The following NFYA variants were observed in gnomAD, a reference collection of about 807,000 sequenced individuals.
NFYA encodes CAAT-box DNA binding protein subunit A.
In NFYA, 28 loss-of-function variants were observed where a neutral mutation model predicts 52.8. The observed-to-expected ratio is 0.53, with a 90% CI of 0.39 to 0.73. NFYA has a LOEUF of 0.73. Among genes scored for constraint, NFYA ranks in the 30% least tolerant of loss-of-function variants. The pLI is 0.00. For synonymous variants in NFYA, 150 were observed against 150.7 expected, an observed-to-expected ratio of 1.00 and a Z score of 0.03; for missense variants, 234 against 427.0, an observed-to-expected ratio of 0.55 and a Z score of 3.98.
At chr6:41,073,238 C>T (rs968475786) in intron 1 of NFYA, among the ~76,000 whole-genome samples, 154 bp downstream of exon 1, 8 of 151,624 alleles carry the variant, frequency 5.3e-5, no homozygotes, top group Non-Finnish European at 8.8e-5. Context: ...GGCCCCGGCC[C>T]GGGGCCTGCG....
At position 41,094,489 on chromosome 6, in the gene NFYA, C is replaced by T. The variant is rs1268778598; in HGVS notation, c.982C>T (p.His328Tyr). 6.2e-7 allele frequency: 1 copy of T among 1,612,930 alleles called. No homozygotes were observed. The change falls in exon 9 of 10, where the codon CAT becomes TAT. Residue 328 changes from histidine (H) to tyrosine (Y), a missense_variant. Around this residue, in one of 3 missense-constraint regions of NFYA, gnomAD observed 35 missense variants for 34.2 expected, o/e 1.02. Coordinates refer to ENST00000341376, the MANE Select transcript of NFYA (RefSeq NM_002505.5). ...CTCTCCAAAGGAAAAGGATAGTCCC[C>T]ATATGCAGGTAGGAAGACATATACA... is the stretch of plus-strand genomic sequence containing the variant. ...FFSPKEKDSP[H>Y]MQDPNQADEE...
rs538468324 is a variant in NFYA at position 41,081,039 on chromosome 6, A to G, written c.162+142A>G. On this transcript the variant is annotated intron_variant, in intron 3 of 9. Coordinates refer to ENST00000341376, the MANE Select transcript of NFYA (RefSeq NM_002505.5). The stretch of plus-strand genomic sequence containing the variant: ...TGCTGCTAACTTGTCTTTGAGGCTT[A>G]TAAGATGCCAGTTTCCTAATATTTC... The G allele has an allele frequency of 5.1e-6, 3 of 593,456 alleles. No homozygotes were observed. The South Asian group carries it at 6.6e-5, about 13-fold the overall frequency. The allele number at this position is 593,456 out of a possible 1,614,324, so 36.8% of individuals were successfully genotyped here.
In NFYA at chr6:41,078,963, GTTAA is replaced by G. The variant is rs1402050952; in HGVS notation, c.-61-63_-61-60del. On this transcript the variant is annotated intron_variant, in intron 1 of 9. Transcript: ENST00000341376. Reference sequence around the variant, plus strand: ...TAAAGTACAGTGATAAATTATCCAGGTTAATTGTCTGGTAAGGCCTTTATTGACA... The same window carrying G: ...TAAAGTACAGTGATAAATTATCCAGGTTGTCTGGTAAGGCCTTTATTGACA... 3 of 688,226 alleles carry G rather than the reference GTTAA, an allele frequency of 4.4e-6. No individual in the cohort carries two copies. The Admixed American group carries it at 7.5e-5, about 17-fold the overall frequency. The allele number at this position is 688,226 out of a possible 1,614,324, so 42.6% of individuals were successfully genotyped here.
chr6:41,101,726 C>G lies in NFYA; in HGVS notation c.*4316C>G, dbSNP rs1279549989. Among the ~76,000 whole-genome samples, 1 of 152,028 alleles carries G rather than the reference C, an allele frequency of 6.6e-6. No individual in the cohort carries two copies. Among genetic ancestry groups the G allele is most frequent in the Non-Finnish European group, 1.5e-5 (1 of 67,988 alleles). On this transcript the variant is annotated 3_prime_UTR_variant, in exon 10 of 10. Transcript: ENST00000341376. Reference sequence around the variant, plus strand: ...ACATGAGGAGGGATCCTATTGTTTCCCATAGCTAGGCAGCCTAAGAGAGTA... The same window carrying G: ...ACATGAGGAGGGATCCTATTGTTTCGCATAGCTAGGCAGCCTAAGAGAGTA...
intron 1 of NFYA, among the ~76,000 whole-genome samples, chr6:41,076,737 AT>A (rs2114084486): frequency 6.6e-6 from 1 of 152,340 alleles, no homozygotes; most frequent in African/African-American, 2.4e-5. Context: ...GACAGACTAA[AT>A]CTGGCTTAGT....
In NFYA at chr6:41,091,538, T is replaced by C. The variant is rs556223902; in HGVS notation, c.558T>C (p.Pro186=). 1 of 1,613,606 alleles carries C rather than the reference T, an allele frequency of 6.2e-7. No individual in the cohort carries two copies. Among genetic ancestry groups the C allele is most frequent in the African/African-American group, 1.3e-5 (1 of 75,006 alleles). Residue 186 remains proline, a synonymous_variant, in exon 7 of 10, where the codon CCT becomes CCC. Coordinates refer to ENST00000341376, the MANE Select transcript of NFYA (RefSeq NM_002505.5). ...DGTILQQVTV[P]VSGMITIPAA... ...TTTGTTTTCTTAAAGTTACAGTCCC[T>C]GTTTCAGGCATGATCACTATCCCAG... is the stretch of plus-strand genomic sequence containing the variant.
chr6:41,073,880 A>G (rs948269290), intron 1 of NFYA, among the ~76,000 whole-genome samples: 2 of 151,992 alleles, frequency 1.3e-5, no homozygotes, highest in African/African-American at 2.4e-5. Flanking sequence ...CCCCGTTCGC[A>G]GTGGCAGGAC....
chr6:41,088,423 C>CCAA (rs745387990), intron 4 of NFYA, among the ~76,000 whole-genome samples: 1 of 64,712 alleles, frequency 1.5e-5, no homozygotes, highest in Admixed American at 1.8e-4. Flanking sequence ...ACTCCGTCTC[C>CCAA]AAAAAAAAAA....
chr6:41,095,958 C>T (rs1266910016), intron 9 of NFYA, among the ~76,000 whole-genome samples: 1 of 152,128 alleles, frequency 6.6e-6, no homozygotes, highest in Non-Finnish European at 1.5e-5. Context: ...TTAATAGATT[C>T]CTCCCATTTG....
In NFYA at chr6:41,080,889, C is replaced by T. The variant is rs1763886953; in HGVS notation, c.154C>T (p.Leu52Phe). The T allele has an allele frequency of 1.2e-5, 20 of 1,613,552 alleles. No individual in the cohort carries two copies. Among genetic ancestry groups the T allele is most frequent in the South Asian group, 2.2e-5 (2 of 91,070 alleles). Residue 52 changes from leucine (L) to phenylalanine (F), a missense_variant, in exon 3 of 10, where the codon CTC becomes TTC. Transcript: ENST00000341376. ...ASASGQQVQT[L>F]QVVQGQPLMV... ...CGCCTCAGGCCAGCAAGTCCAGACC[C>T]TCCAGGTAGTGGTACCCTCTCTGAT... is the stretch of plus-strand genomic sequence containing the variant.
At chr6:41,079,331 A>G (rs1763843232) in intron 2 of NFYA, among the ~76,000 whole-genome samples, 167 bp downstream of exon 2, 1 of 152,230 alleles carries the variant, frequency 6.6e-6, no homozygotes, top group East Asian at 1.9e-4. Flanking sequence ...ATGACCACTT[A>G]GAATCTACTC....
At chr6:41,074,002 G>T (rs960752853) in intron 1 of NFYA, among the ~76,000 whole-genome samples, 2 of 151,522 alleles carry the variant, frequency 1.3e-5, no homozygotes, top group African/African-American at 2.4e-5. Context: ...ATACCCTTGC[G>T]CATTCTTTCC....
At chr6:41,094,351 T>C (rs1346959876) in intron 8 of NFYA, 45 bp from the exon 9 acceptor site, 1 of 1,537,326 alleles carries the variant, frequency 6.5e-7, no homozygotes, top group Non-Finnish European at 9.0e-7. Flanking sequence ...ACTGTGCTGG[T>C]TCTGGATAGT....
intron 4 of NFYA, among the ~76,000 whole-genome samples, chr6:41,087,881 A>G (rs2113807757): frequency 6.6e-6 from 1 of 152,360 alleles, no homozygotes; most frequent in African/African-American, 2.4e-5. Context: ...GCCATTAAAA[A>G]AAAGAAAGAA....
At chr6:41,083,938 C>A in intron 3 of NFYA, 108 bp from the exon 4 acceptor site, 1 of 1,093,070 alleles carries the variant, frequency 9.1e-7, no homozygotes, top group Non-Finnish European at 1.3e-6. Flanking sequence ...GTCTTTTCTA[C>A]CTTTTCCTTT....
Position 41,099,544 on chromosome 6 carries a change from A to C in NFYA, c.*2134A>C, listed in dbSNP as rs1764445158. On this transcript the variant is annotated 3_prime_UTR_variant, in exon 10 of 10. Transcript: ENST00000341376. ...ACCCTTTTCTTGTGGTCACTTTGGC[A>C]CACCATAGTAGCCCACAAAGTGGGG... 1 of 152,228 alleles carries C rather than the reference A, an allele frequency of 6.6e-6. No individual in the cohort carries two copies. The highest frequency in any genetic ancestry group is 1.5e-5 in the Non-Finnish European group (1 of 68,050). The allele number at this position is 152,228 out of a possible 1,614,324, so 9.4% of individuals were successfully genotyped here.
At chr6:41,091,391 T>G (rs1764194019) in intron 6 of NFYA, 137 bp from the exon 7 acceptor site, 1 of 770,814 alleles carries the variant, frequency 1.3e-6, no homozygotes, top group African/African-American at 1.8e-5. Flanking sequence ...GAGAGTACTT[T>G]TTCTCCCCTT....
chr6:41,084,004 T>C, intron 3 of NFYA, 42 bp from the exon 4 acceptor site: 3 of 1,532,154 alleles, frequency 2.0e-6, no homozygotes, highest in Non-Finnish European at 2.6e-6. Context: ...AACCATTTTG[T>C]GTCTTATGTT....
At chr6:41,085,103 G>A (rs1285934278) in intron 4 of NFYA, among the ~76,000 whole-genome samples, 1 of 152,092 alleles carries the variant, frequency 6.6e-6, no homozygotes, top group Non-Finnish European at 1.5e-5. Context: ...TGGATGTGGA[G>A]AAAAAGAATT....
Sources: allele counts gnomAD v4.1 joint callset (sites outside exome capture counted in the v4.1 genomes callset), GRCh38; gene constraint gnomAD v4.1.1; regional missense constraint gnomAD v4.1.1; transcripts MANE v1.5; gene names NCBI Gene and HGNC (gene_info 2026-07-23, HGNC 2026-07-21).